The following RYR3 variants were observed in gnomAD, a reference collection of about 807,000 sequenced individuals.
RYR3 encodes brain ryanodine receptor-calcium release channel.
In RYR3, 207 loss-of-function variants were observed where a neutral mutation model predicts 584.3. The observed-to-expected ratio is 0.35, with a 90% CI of 0.32 to 0.40. RYR3 has a LOEUF of 0.40. RYR3 is among the 10% of genes least tolerant of loss of function. The pLI is 1.00. For missense variants in RYR3, 5,616 were observed against 6,089.2 expected, an observed-to-expected ratio of 0.92 and a Z score of 2.59; for synonymous variants, 2,416 against 2,248.5, an observed-to-expected ratio of 1.07 and a Z score of -2.11.
chr15:33,701,479 A>G (rs1372873052), intron 42 of RYR3, among the ~76,000 whole-genome samples: 3 of 152,078 alleles, frequency 2.0e-5, no homozygotes, highest in African/African-American at 7.2e-5. Flanking sequence ...ACTGAGACAA[A>G]CTGAGCTGCC....
chr15:33,725,312 G>A (rs539837545), intron 45 of RYR3, among the ~76,000 whole-genome samples: 6 of 152,168 alleles, frequency 3.9e-5, no homozygotes, highest in Non-Finnish European at 7.4e-5. Flanking sequence ...AGATGGAGGC[G>A]GCACCAGGGT....
chr15:33,358,308 G>A (rs1271831546), intron 1 of RYR3, among the ~76,000 whole-genome samples: 1 of 152,218 alleles, frequency 6.6e-6, no homozygotes, highest in African/African-American at 2.4e-5. Flanking sequence ...TACCTACTGA[G>A]GCACTGCTGC....
At position 33,651,251 on chromosome 15, in the gene RYR3, G is replaced by A. The variant is rs138146633; in HGVS notation, c.4143-1467G>A. On this transcript the variant is annotated intron_variant, in intron 31 of 103. Coordinates refer to ENST00000634891, the MANE Select transcript of RYR3 (RefSeq NM_001036.6). ...ACATTTTGAATTTGGGCCCTTTAAT[G>A]TATGACCAAAGCGAGCCACTTCACA... Among the ~76,000 whole-genome samples, 408 of 152,322 alleles carry A rather than the reference G, an allele frequency of 2.7e-3. 2 individuals are homozygous for A. The highest frequency in any genetic ancestry group is 9.1e-3 in the African/African-American group (380 of 41,574).
intron 1 of RYR3, among the ~76,000 whole-genome samples, chr15:33,398,021 C>T (rs1333560080): frequency 1.3e-5 from 2 of 152,094 alleles, no homozygotes; most frequent in Non-Finnish European, 2.9e-5. Flanking sequence ...TATCACAAGC[C>T]TGGTATGCCA....
chr15:33,811,857 T>C (rs1214820151), intron 72 of RYR3, among the ~76,000 whole-genome samples: 2 of 152,154 alleles, frequency 1.3e-5, no homozygotes, highest in African/African-American at 4.8e-5. Flanking sequence ...ATAAAGGCTA[T>C]TTGAGATGTT....
At chr15:33,599,251 C>T (rs973412613) in intron 16 of RYR3, among the ~76,000 whole-genome samples, 3 of 152,130 alleles carry the variant, frequency 2.0e-5, no homozygotes, top group African/African-American at 7.2e-5. Context: ...CACTCAGGAT[C>T]CCCCCTGTGG....
rs373212999 is a variant in RYR3 at position 33,672,073 on chromosome 15, C to G, written c.5860+1517C>G. On this transcript the variant is annotated intron_variant, in intron 38 of 103. Transcript: ENST00000634891. ...AAGCAGTCTGCCCTCCTCAGCCTCC[C>G]AAAGTGCTGGGATTACAGGCATGAG... Among the ~76,000 whole-genome samples the G allele has an allele frequency of 2.4e-4, 37 of 152,248 alleles. 1 individual carries two copies. The Middle Eastern group carries it at 0.014, about 56-fold the overall frequency.
At chr15:33,481,007 G>A (rs1199605900) in intron 2 of RYR3, among the ~76,000 whole-genome samples, 2 of 152,130 alleles carry the variant, frequency 1.3e-5, no homozygotes, top group African/African-American at 4.8e-5. Flanking sequence ...TCTGTTATTA[G>A]GTGCATGTGT....
At chr15:33,678,103 T>C (rs898409998) in intron 38 of RYR3, among the ~76,000 whole-genome samples, 5 of 152,234 alleles carry the variant, frequency 3.3e-5, no homozygotes, top group African/African-American at 1.2e-4. Context: ...TTTTACATGG[T>C]AATGATGAGG....
intron 1 of RYR3, among the ~76,000 whole-genome samples, chr15:33,400,100 G>A (rs2042553118): frequency 6.6e-6 from 1 of 152,122 alleles, no homozygotes; most frequent in Admixed American, 6.6e-5. Context: ...AATTTTGCAT[G>A]TATTGAAATT....
At chr15:33,511,999 T>C (rs1026482601) in intron 3 of RYR3, among the ~76,000 whole-genome samples, 4 of 152,088 alleles carry the variant, frequency 2.6e-5, no homozygotes, top group Non-Finnish European at 4.4e-5. Context: ...AGGATGGTCT[T>C]GATCTCCTGA....
intron 88 of RYR3, 34 bp from the exon 89 acceptor site, chr15:33,837,597 T>C (rs746573708): frequency 6.6e-7 from 1 of 1,518,320 alleles, no homozygotes; most frequent in East Asian, 2.3e-5. Flanking sequence ...GGTTTATTTG[T>C]ATATTTGTAT....
intron 48 of RYR3, among the ~76,000 whole-genome samples, chr15:33,732,094 C>T (rs766449651): frequency 6.6e-6 from 1 of 152,004 alleles, no homozygotes; most frequent in African/African-American, 2.4e-5. Flanking sequence ...ATAAAAGCAA[C>T]CTACCGGCTG....
At chr15:33,417,237 T>C (rs1411690977) in intron 1 of RYR3, among the ~76,000 whole-genome samples, 1 of 152,134 alleles carries the variant, frequency 6.6e-6, no homozygotes, top group East Asian at 1.9e-4. Context: ...ATAATATTGG[T>C]AATTTGATAG....
chr15:33,473,376 G>A, intron 1 of RYR3, 43 bp from the exon 2 acceptor site: 1 of 1,612,364 alleles, frequency 6.2e-7, no homozygotes, highest in Non-Finnish European at 8.5e-7. Flanking sequence ...GCCTGGCTCA[G>A]CAGTTCCCCT....
chr15:33,578,077 T>A (rs937412425), intron 12 of RYR3, among the ~76,000 whole-genome samples: 5 of 152,168 alleles, frequency 3.3e-5, no homozygotes, highest in Admixed American at 6.5e-5. Context: ...CTCATGCTAA[T>A]CAGAGTGGCA....
chr15:33,663,352 T>C (rs2063279366), intron 35 of RYR3, among the ~76,000 whole-genome samples, 185 bp from the exon 36 acceptor site: 1 of 152,212 alleles, frequency 6.6e-6, no homozygotes, highest in Non-Finnish European at 1.5e-5. Context: ...AGATTTCTTC[T>C]GTCTTTAGTG....
intron 12 of RYR3, among the ~76,000 whole-genome samples, chr15:33,578,385 A>G (rs879930831): frequency 1.3e-5 from 2 of 152,228 alleles, no homozygotes; most frequent in Non-Finnish European, 2.9e-5. Context: ...AGACTGGATC[A>G]AGAAAATGTG....
At chr15:33,699,078 A>G (rs1387747160) in intron 40 of RYR3, among the ~76,000 whole-genome samples, 2 of 152,144 alleles carry the variant, frequency 1.3e-5, no homozygotes, top group African/African-American at 4.8e-5. Flanking sequence ...TAGAAGAGCA[A>G]TTATCAATGA....
Sources: gnomAD v4.1 joint callset for allele counts (sites outside exome capture counted in the v4.1 genomes callset) on GRCh38, gnomAD v4.1.1 for gene constraint, MANE v1.5 for transcripts, NCBI Gene and HGNC (gene_info 2026-07-23, HGNC 2026-07-21) for gene names.